TEAD4: variants seen among roughly 807,000 people sequenced by gnomAD.
TEAD4 encodes transcriptional enhancer factor TEF-3.
In TEAD4, 36 loss-of-function variants were observed where a neutral mutation model predicts 52.4. The ratio of observed to expected loss-of-function variants is 0.69; its 90% confidence interval spans 0.53 to 0.91. The LOEUF (loss-of-function observed/expected upper bound fraction) is 0.91. Ranked by LOEUF, TEAD4 falls within the 40% of genes least tolerant of loss-of-function variation. The pLI, the probability that TEAD4 is intolerant of heterozygous loss-of-function variation, is 0.00. For synonymous variants in TEAD4, 220 were observed against 231.0 expected, an observed-to-expected ratio of 0.95 and a Z score of 0.43; for missense variants, 508 against 583.9, an observed-to-expected ratio of 0.87 and a Z score of 1.34.
intron 2 of TEAD4, among the ~76,000 whole-genome samples, chr12:2,972,491 C>CTTTTTTTTT (rs751852771): frequency 2.3e-4 from 8 of 34,746 alleles, no homozygotes; most frequent in Non-Finnish European, 2.9e-4. Context: ...CAGCATGTCT[C>CTTTTTTTTT]TTTTTTTTTT....
intron 10 of TEAD4, among the ~76,000 whole-genome samples, chr12:3,035,823 C>CAAAA (rs760133553): frequency 9.1e-5 from 11 of 120,414 alleles, no homozygotes; most frequent in Admixed American, 1.9e-4. Context: ...CTGTCTTTAA[C>CAAAA]AAAAAAAAAA....
At chr12:3,039,554 G>A (rs552609495) in intron 11 of TEAD4, among the ~76,000 whole-genome samples, 4 of 152,184 alleles carry the variant, frequency 2.6e-5, no homozygotes, top group African/African-American at 9.7e-5. Flanking sequence ...GTGTCCTCAT[G>A]TACAGTCAGG....
chr12:2,962,333 A>AAATATATATATATATATAT (rs1565518245), intron 2 of TEAD4, among the ~76,000 whole-genome samples: 8 of 38,044 alleles, frequency 2.1e-4, no homozygotes, highest in Admixed American at 1.7e-3. Flanking sequence ...TATAAATATA[A>AAATATATATATATATATAT]ATATATATAT....
chr12:3,012,264 G>C lies in TEAD4; in HGVS notation c.354+32G>C, dbSNP rs772831068. On this transcript the variant is annotated intron_variant, in intron 5 of 12. Coordinates refer to ENST00000359864, the MANE Select transcript of TEAD4 (RefSeq NM_003213.4). ...AAACTGCAGTGGGGGTGCTGGAGTG[G>C]CCAGGAGTGGTGGCCAGCAGCATAT... 2.1e-5 allele frequency: 34 copies of C among 1,610,686 alleles called. No homozygotes were observed. The South Asian group carries it at 3.4e-4, about 16-fold the overall frequency.
At chr12:3,022,454 C>CT (rs1176838756) in intron 10 of TEAD4, among the ~76,000 whole-genome samples, 2 of 152,172 alleles carry the variant, frequency 1.3e-5, no homozygotes, top group African/African-American at 4.8e-5. Flanking sequence ...GCATGTTGGG[C>CT]TGAACAGAGC....
intron 2 of TEAD4, among the ~76,000 whole-genome samples, chr12:2,991,860 ACT>A (rs1279031462): frequency 6.6e-6 from 1 of 151,740 alleles, no homozygotes; most frequent in African/African-American, 2.4e-5. Flanking sequence ...AAGGCCAGTG[ACT>A]CTGAAGGGCT....
chr12:2,989,270 G>A, intron 2 of TEAD4, among the ~76,000 whole-genome samples: 1 of 151,844 alleles, frequency 6.6e-6, no homozygotes, highest in East Asian at 1.9e-4. Flanking sequence ...CTCTTTGATT[G>A]GTAAATTCTC....
Position 2,986,646 on chromosome 12 carries a change from T to TA in TEAD4, c.-29-8083dup, listed in dbSNP as rs533717512. Among the ~76,000 whole-genome samples the TA allele has an allele frequency of 1.4e-3, 166 of 122,502 alleles. 3 individuals are homozygous for TA. The highest frequency in any genetic ancestry group is 4.5e-3 in the Middle Eastern group (1 of 224). 80.4% of individuals were successfully genotyped at this position (122,502 alleles called of 152,430 possible). ...CAGAGTGAGACTCTGTCTCAAAAAA[T>TA]AAAAAAAAATAAATAAATAAAATAG... On this transcript the variant is annotated intron_variant, in intron 2 of 12. Coordinates refer to ENST00000359864, the MANE Select transcript of TEAD4 (RefSeq NM_003213.4).
intron 2 of TEAD4, among the ~76,000 whole-genome samples, chr12:2,961,540 G>A (rs2098215325): frequency 6.6e-6 from 1 of 152,088 alleles, no homozygotes; most frequent in Non-Finnish European, 1.5e-5. Context: ...AGTGGAAAGG[G>A]CACAGGTTTG....
At position 3,023,790 on chromosome 12, in the gene TEAD4, CAAAAA is replaced by C. The variant is rs71057878; in HGVS notation, c.897+1785_897+1789del. Among the ~76,000 whole-genome samples the C allele has an allele frequency of 8.4e-3, 1,115 of 132,038 alleles. 17 individuals are homozygous for C. The highest frequency in any genetic ancestry group is 9.0e-3 in the Non-Finnish European group (571 of 63,452). 86.6% of individuals were successfully genotyped at this position (132,038 alleles called of 152,430 possible). A position where few individuals can be genotyped will look rare whatever the true frequency, so the allele number is the denominator to read the frequency against. ...CCTGGGCAACAGAGCGAGACTGTCT[CAAAAA>C]AAAAAAAAAAAGTGAAAAGCATCAT... On this transcript the variant is annotated intron_variant, in intron 10 of 12. Transcript: ENST00000359864.
At chr12:3,006,260 G>A (rs758968027) in intron 3 of TEAD4, among the ~76,000 whole-genome samples, 1 of 152,048 alleles carries the variant, frequency 6.6e-6, no homozygotes, top group Non-Finnish European at 1.5e-5. Context: ...TTTGGATTTC[G>A]GATTTTAGGA....
intron 10 of TEAD4, among the ~76,000 whole-genome samples, chr12:3,024,570 T>C (rs906456997): frequency 6.6e-6 from 1 of 152,084 alleles, no homozygotes; most frequent in Non-Finnish European, 1.5e-5. Flanking sequence ...AGTAGGAGGA[T>C]TGCTTGAGCC....
intron 2 of TEAD4, among the ~76,000 whole-genome samples, chr12:2,987,182 G>A (rs1463023212): frequency 3.3e-5 from 5 of 152,172 alleles, no homozygotes; most frequent in African/African-American, 4.8e-5. Flanking sequence ...CACAGATTTG[G>A]GGATTAAACC....
chr12:3,010,315 T>G (rs2098259244), intron 3 of TEAD4, among the ~76,000 whole-genome samples: 1 of 152,238 alleles, frequency 6.6e-6, no homozygotes, highest in African/African-American at 2.4e-5. Context: ...ATGGATGCTC[T>G]GGGGTTTTCC....
intron 3 of TEAD4, among the ~76,000 whole-genome samples, chr12:3,000,089 G>A (rs764534085): frequency 5.3e-5 from 8 of 152,240 alleles, no homozygotes; most frequent in South Asian, 2.1e-4. Flanking sequence ...GGCTGAGGCC[G>A]TGTGGTCTCT....
intron 3 of TEAD4, 67 bp from the exon 4 acceptor site, chr12:3,010,937 C>T (rs929818085): frequency 1.7e-5 from 27 of 1,579,264 alleles, no homozygotes; most frequent in Middle Eastern, 3.4e-4. Flanking sequence ...GAAGGTACCC[C>T]GCACCCCCTC....
intron 10 of TEAD4, among the ~76,000 whole-genome samples, chr12:3,023,714 C>G (rs1434663358): frequency 6.7e-6 from 1 of 149,662 alleles, no homozygotes; most frequent in Non-Finnish European, 1.5e-5. Context: ...ATCGCTTGAA[C>G]GTGGGAGGCG....
intron 2 of TEAD4, among the ~76,000 whole-genome samples, chr12:2,975,467 C>T (rs1257899438): frequency 6.6e-6 from 1 of 151,912 alleles, no homozygotes; most frequent in African/African-American, 2.4e-5. Context: ...CGGCTCATGG[C>T]AACCTCTGCC....
intron 5 of TEAD4, among the ~76,000 whole-genome samples, chr12:3,016,731 T>C (rs896144356): frequency 6.6e-6 from 1 of 152,212 alleles, no homozygotes; most frequent in Non-Finnish European, 1.5e-5. Context: ...CACTGGCTTA[T>C]ATGAATATAA....
Sources: gnomAD v4.1 joint callset for allele counts (sites outside exome capture counted in the v4.1 genomes callset) on GRCh38, gnomAD v4.1.1 for gene constraint, MANE v1.5 for transcripts, NCBI Gene and HGNC (gene_info 2026-07-23, HGNC 2026-07-21) for gene names.